The following RUBCN variants were observed in gnomAD, a reference collection of about 807,000 sequenced individuals.
RUBCN encodes run domain Beclin-1-interacting and cysteine-rich domain-containing protein.
In RUBCN, 74 loss-of-function variants were observed where a neutral mutation model predicts 113.2. That is an observed-to-expected ratio of 0.65 (90% CI 0.54 to 0.79). RUBCN has a LOEUF of 0.79. Ranked by LOEUF, RUBCN falls within the 30% of genes least tolerant of loss-of-function variation. The pLI, the probability that RUBCN is intolerant of heterozygous loss-of-function variation, is 0.00. For missense variants in RUBCN, 1,109 were observed against 1,251.7 expected, an observed-to-expected ratio of 0.89 and a Z score of 1.72; for synonymous variants, 480 against 490.0, an observed-to-expected ratio of 0.98 and a Z score of 0.27.
intron 2 of RUBCN, among the ~76,000 whole-genome samples, chr3:197,712,994 G>C (rs905046849): frequency 4.6e-5 from 7 of 151,848 alleles, no homozygotes; most frequent in Non-Finnish European, 8.8e-5. Flanking sequence ...CGAGTAGCTG[G>C]GATTACAGGC....
At position 197,714,675 on chromosome 3, in the gene RUBCN, A is replaced by G. The variant is rs554408216; in HGVS notation, c.219+3302T>C. ...CAATTAGTTGATTAGCTCTTTTCCA[A>G]TGTGATTACTGGCTGAGAATAAATT... On this transcript the variant is annotated intron_variant, in intron 2 of 19. Transcript: ENST00000296343. 8.5e-5 allele frequency among the ~76,000 whole-genome samples: 13 copies of G among 152,272 alleles called. No individual in the cohort carries two copies. In the South Asian group the frequency reaches 2.1e-3, roughly 24 times the overall value.
At chr3:197,708,196 T>C (rs1009993958) in intron 2 of RUBCN, among the ~76,000 whole-genome samples, 12 of 151,790 alleles carry the variant, frequency 7.9e-5, no homozygotes, top group Admixed American at 5.9e-4. Flanking sequence ...AGTGCAATGG[T>C]GCAATCTCGG....
chr3:197,676,858 C>G lies in RUBCN; in HGVS notation c.2646+27G>C, dbSNP rs761012084. On this transcript the variant is annotated intron_variant, in intron 18 of 19. Transcript: ENST00000296343. ...TGTATCCCTAAAAGCAAGGGCTCAGCTGCATGCTACAGTGAGACTTTCTCA... is the reference window on the plus strand; with the variant it reads ...TGTATCCCTAAAAGCAAGGGCTCAGGTGCATGCTACAGTGAGACTTTCTCA... 5.6e-6 allele frequency: 9 copies of G among 1,613,962 alleles called. No individual in the cohort carries two copies. The East Asian group carries it at 1.8e-4, about 32-fold the overall frequency.
chr3:197,734,989 T>C (rs192522885), intron 1 of RUBCN, among the ~76,000 whole-genome samples: 6 of 152,344 alleles, frequency 3.9e-5, no homozygotes, highest in African/African-American at 1.4e-4. Context: ...CCCAGGAACA[T>C]CTCATAAATC....
upstream of RUBCN, among the ~76,000 whole-genome samples, chr3:197,739,717 C>CA (rs1035542514): frequency 1.9e-4 from 28 of 149,732 alleles, no homozygotes; most frequent in South Asian, 2.1e-4. Context: ...GACTCCGTTT[C>CA]AAAAAAAAAG....
At chr3:197,718,197 G>A in intron 1 of RUBCN, 67 bp from the exon 2 acceptor site, 1 of 1,587,928 alleles carries the variant, frequency 6.3e-7, no homozygotes, top group Non-Finnish European at 8.6e-7. Context: ...TCATATCAAA[G>A]AAAGTCTAAG....
In RUBCN at chr3:197,671,841, G is replaced by A. The variant is rs902670813; in HGVS notation, c.*3177C>T. ...TGGTTCGCTCGAGGTCTCATGGCAA[G>A]TTAGAGACACAGCCACTCCACCTCA... On this transcript the variant is annotated 3_prime_UTR_variant, in exon 20 of 20. Coordinates refer to ENST00000296343, the MANE Select transcript of RUBCN (RefSeq NM_014687.4). 4.6e-5 allele frequency: 7 copies of A among 152,230 alleles called. No homozygotes were observed. Among genetic ancestry groups the A allele is most frequent in the Non-Finnish European group, 1.0e-4 (7 of 68,040 alleles). 9.4% of individuals were successfully genotyped at this position (152,230 alleles called of 1,614,324 possible). A position where few individuals can be genotyped will look rare whatever the true frequency, so the allele number is the denominator to read the frequency against.
Position 197,674,117 on chromosome 3 carries a change from A to G in RUBCN, c.*901T>C, listed in dbSNP as rs924540556. ...GTTCCTGTCCTCACCTTAGGATGGC[A>G]TCAGGGACCTGCCTGAGCTTCAAAG... On this transcript the variant is annotated 3_prime_UTR_variant, in exon 20 of 20. Transcript: ENST00000296343. The G allele has an allele frequency of 6.6e-6, 1 of 152,398 alleles. No individual in the cohort carries two copies. The highest frequency in any genetic ancestry group is 2.4e-5 in the African/African-American group (1 of 41,460). The allele number at this position is 152,398 out of a possible 1,614,324, so 9.4% of individuals were successfully genotyped here.
intron 16 of RUBCN, among the ~76,000 whole-genome samples, chr3:197,680,649 G>C (rs1042497677): frequency 6.6e-6 from 1 of 152,234 alleles, no homozygotes; most frequent in African/African-American, 2.4e-5. Context: ...TCTAGTCAGG[G>C]AAGGCCCCTC....
At chr3:197,684,250 T>C in intron 11 of RUBCN, 33 bp from the exon 12 acceptor site, 1 of 1,578,226 alleles carries the variant, frequency 6.3e-7, no homozygotes, top group Non-Finnish European at 8.7e-7. Flanking sequence ...GGGAGCGCAA[T>C]GGAAACGGGG....
chr3:197,707,242 G>T (rs1241880004), intron 2 of RUBCN, among the ~76,000 whole-genome samples: 4 of 152,078 alleles, frequency 2.6e-5, no homozygotes, highest in Non-Finnish European at 5.9e-5. Flanking sequence ...TGAGGCAGGA[G>T]AATGGCATGA....
rs1719602470 is a variant in RUBCN at position 197,669,652 on chromosome 3, C to G, written c.*5366G>C. On this transcript the variant is annotated 3_prime_UTR_variant, in exon 20 of 20. Transcript: ENST00000296343. ...AGTTGCTATTTTCCTCTTTCTATATCCTTTTATTTAAAAAAGTGAATCACT... is the reference window on the plus strand; with the variant it reads ...AGTTGCTATTTTCCTCTTTCTATATGCTTTTATTTAAAAAAGTGAATCACT... Among the ~76,000 whole-genome samples the G allele has an allele frequency of 1.3e-5, 2 of 152,134 alleles. No individual in the cohort carries two copies. Among genetic ancestry groups the G allele is most frequent in the Admixed American group, 1.3e-4 (2 of 15,266 alleles).
intron 9 of RUBCN, among the ~76,000 whole-genome samples, chr3:197,695,562 C>T (rs954484764): frequency 6.6e-6 from 1 of 152,174 alleles, no homozygotes; most frequent in African/African-American, 2.4e-5. Flanking sequence ...GACCGTGACA[C>T]TGCACTCCAG....
At chr3:197,706,638 C>T (rs930014281) in intron 2 of RUBCN, among the ~76,000 whole-genome samples, 4 of 151,888 alleles carry the variant, frequency 2.6e-5, no homozygotes, top group Non-Finnish European at 4.4e-5. Flanking sequence ...AAGCCGAGAT[C>T]GTGCTACTAC....
chr3:197,703,291 G>A (rs975345117), intron 5 of RUBCN, among the ~76,000 whole-genome samples: 4 of 150,692 alleles, frequency 2.7e-5, no homozygotes, highest in African/African-American at 7.3e-5. Context: ...CCAGCTACTC[G>A]GGAGGCTGAG....
At chr3:197,680,844 C>G (rs765549931) in intron 16 of RUBCN, among the ~76,000 whole-genome samples, 10 of 151,874 alleles carry the variant, frequency 6.6e-5, no homozygotes, top group Admixed American at 1.3e-4. Flanking sequence ...GTTTGAGGCT[C>G]CAACTAGACA....
chr3:197,749,271 C>G, exon 1 of RUBCN: 1 of 1,059,348 alleles, frequency 9.4e-7, no homozygotes. Context: ...GTACTTACCC[C>G]TCCCGAGGGA....
chr3:197,728,749 G>C (rs1727044477), intron 1 of RUBCN, among the ~76,000 whole-genome samples: 1 of 152,162 alleles, frequency 6.6e-6, no homozygotes, highest in African/African-American at 2.4e-5. Flanking sequence ...GGGGGAAATG[G>C]ACACTTACAT....
At chr3:197,684,115 TA>T (rs1560411517) in intron 12 of RUBCN, 41 bp downstream of exon 12, 7 of 1,473,752 alleles carry the variant, frequency 4.7e-6, no homozygotes, top group Non-Finnish European at 6.7e-6. Flanking sequence ...CTACATATCC[TA>T]AGGTTTTCTT....
Sources: gnomAD v4.1 joint callset for allele counts (sites outside exome capture counted in the v4.1 genomes callset) on GRCh38, gnomAD v4.1.1 for gene constraint, MANE v1.5 for transcripts, NCBI Gene and HGNC (gene_info 2026-07-23, HGNC 2026-07-21) for gene names.